The following NREP variants were observed in gnomAD, a reference collection of about 807,000 sequenced individuals.
The protein encoded by NREP is neuronal regeneration-related protein.
A neutral mutation model predicts 8.6 loss-of-function variants in NREP; 5 were observed. That is an observed-to-expected ratio of 0.58 (90% CI 0.30 to 1.22). The LOEUF is 1.22. NREP is among the 50% of genes most tolerant of loss of function. The pLI is 0.07. For synonymous variants in NREP, 27 were observed against 28.0 expected (o/e 0.96, Z 0.11); for missense variants, 86 against 82.5 (o/e 1.04, Z -0.17).
intron 2 of NREP, among the ~76,000 whole-genome samples, chr5:111,931,128 G>A (rs1755525490): frequency 6.6e-6 from 1 of 151,954 alleles, no homozygotes; most frequent in Admixed American, 6.6e-5. Context: ...TGTGCCCTTA[G>A]TATTTAAACC....
intron 2 of NREP, among the ~76,000 whole-genome samples, chr5:111,737,080 T>C (rs890270860): frequency 1.3e-5 from 2 of 152,228 alleles, no homozygotes; most frequent in East Asian, 3.8e-4. Flanking sequence ...TTCTGAGCCA[T>C]GTGGTTCCCC....
At chr5:111,835,720 T>C (rs1752876895) in intron 2 of NREP, among the ~76,000 whole-genome samples, 1 of 152,192 alleles carries the variant, frequency 6.6e-6, no homozygotes, top group African/African-American at 2.4e-5. Context: ...AAGTGGTTTG[T>C]GGGTTTAAGA....
intron 2 of NREP, chr5:111,739,029 A>T (rs940071213): frequency 1.3e-5 from 2 of 152,232 alleles, no homozygotes; most frequent in Non-Finnish European, 2.9e-5. Flanking sequence ...CCAGATTGTT[A>T]GAAAATAAAT....
intron 2 of NREP, 117 bp from the exon 3 acceptor site, chr5:111,735,624 C>T (rs1319370350): frequency 1.5e-6 from 1 of 673,878 alleles, no homozygotes; most frequent in African/African-American, 1.8e-5. Flanking sequence ...CCGACTACCA[C>T]TTAGAGCACT....
intron 2 of NREP, among the ~76,000 whole-genome samples, chr5:111,792,299 T>G (rs1304181017): frequency 6.6e-6 from 1 of 152,190 alleles, no homozygotes; most frequent in Non-Finnish European, 1.5e-5. Context: ...TTCAAATTTG[T>G]GTTGTCTTAT....
intron 2 of NREP, among the ~76,000 whole-genome samples, chr5:111,835,467 AG>A (rs1291372902): frequency 6.6e-6 from 1 of 152,126 alleles, no homozygotes; most frequent in Non-Finnish European, 1.5e-5. Flanking sequence ...TTATAAAGGT[AG>A]GGGCATGAAC....
intron 2 of NREP, among the ~76,000 whole-genome samples, chr5:111,762,726 C>A (rs1750989199): frequency 6.6e-6 from 1 of 152,124 alleles, no homozygotes; most frequent in African/African-American, 2.4e-5. Context: ...TTCTAGTCTC[C>A]AGAACTGTAA....
At chr5:111,787,014 T>C (rs937940295) in intron 2 of NREP, among the ~76,000 whole-genome samples, 3 of 152,218 alleles carry the variant, frequency 2.0e-5, no homozygotes, top group Non-Finnish European at 2.9e-5. Context: ...TCTTACACTG[T>C]TGATGGTCTT....
At chr5:111,784,811 A>C (rs925456539) in intron 2 of NREP, among the ~76,000 whole-genome samples, 10 of 152,198 alleles carry the variant, frequency 6.6e-5, no homozygotes, top group Admixed American at 5.9e-4. Flanking sequence ...ACAGCATTTA[A>C]TTAAAAAGTT....
chr5:111,750,763 T>C (rs553169809), intron 2 of NREP, among the ~76,000 whole-genome samples: 5 of 152,310 alleles, frequency 3.3e-5, no homozygotes, highest in Admixed American at 3.3e-4. Flanking sequence ...GGGTCCAGGC[T>C]GCAGGAAAAG....
rs201975845 is a variant in NREP, at chr5:111,971,423, T to C, written c.135+3851A>G. 2.6e-5 allele frequency among the ~76,000 whole-genome samples: 4 copies of C among 151,516 alleles called. No homozygotes were observed. In the East Asian group the frequency reaches 7.8e-4, roughly 29 times the overall value. On this transcript the variant is annotated intron_variant, in intron 2 of 3. Coordinates refer to the NREP transcript ENST00000395634. The stretch of plus-strand genomic sequence containing the variant: ...AGCAAAAAACAAAAAACTAAACAAA[T>C]AAAAAAAACACCATGAAGCTGGAGG...
chr5:111,975,504 T>C, intron 1 of NREP: 2 of 666,892 alleles, frequency 3.0e-6, no homozygotes, highest in Non-Finnish European at 5.3e-6. Flanking sequence ...AGAAGGACAC[T>C]GACTGGCCAG....
At chr5:111,824,842 T>C (rs1752586290) in intron 2 of NREP, among the ~76,000 whole-genome samples, 1 of 152,214 alleles carries the variant, frequency 6.6e-6, no homozygotes, top group South Asian at 2.1e-4. Context: ...CATAGGTGTA[T>C]AGTGTATACA....
intron 2 of NREP, among the ~76,000 whole-genome samples, chr5:111,939,645 T>TA (rs1423834835): frequency 1.3e-5 from 2 of 152,100 alleles, no homozygotes; most frequent in Non-Finnish European, 2.9e-5. Flanking sequence ...TTTCAGCTCT[T>TA]ACCGTAAACA....
intron 2 of NREP, among the ~76,000 whole-genome samples, chr5:111,829,327 A>G (rs1752706711): frequency 6.6e-6 from 1 of 152,210 alleles, no homozygotes; most frequent in Admixed American, 6.5e-5. Context: ...TCTGGCAGCC[A>G]CATGGAGGAA....
chr5:111,904,485 T>A lies in NREP; in HGVS notation c.135+70789A>T, dbSNP rs1420185789. On this transcript the variant is annotated intron_variant, in intron 2 of 3. Transcript: ENST00000395634. ...CTCTACAGTTTTGCCTTTTCCAGAA[T>A]GTCATATCATTGGAATTATATAGTA... Among the ~76,000 whole-genome samples the A allele has an allele frequency of 1.1e-4, 16 of 152,176 alleles. 1 individual carries two copies. The highest frequency in any genetic ancestry group is 2.4e-4 in the Non-Finnish European group (16 of 68,022).
At chr5:111,795,814 T>C (rs531209836) in intron 2 of NREP, among the ~76,000 whole-genome samples, 1 of 152,156 alleles carries the variant, frequency 6.6e-6, no homozygotes, top group Non-Finnish European at 1.5e-5. Context: ...GAAAGCAGAA[T>C]AGAAAGCAGA....
intron 2 of NREP, among the ~76,000 whole-genome samples, chr5:111,802,295 T>A (rs1015243660): frequency 6.6e-6 from 1 of 151,542 alleles, no homozygotes; most frequent in Admixed American, 6.6e-5. Context: ...AGGTGTCAAA[T>A]ACACTGTTAA....
intron 2 of NREP, among the ~76,000 whole-genome samples, chr5:111,912,981 T>C (rs1244282422): frequency 6.6e-6 from 1 of 152,134 alleles, no homozygotes; most frequent in Non-Finnish European, 1.5e-5. Context: ...TGACCAGTAA[T>C]TGATTTTGAG....
Sources: gnomAD v4.1 joint callset for allele counts (sites outside exome capture counted in the v4.1 genomes callset) on GRCh38, gnomAD v4.1.1 for gene constraint, MANE v1.5 for transcripts, NCBI Gene and HGNC (gene_info 2026-07-23, HGNC 2026-07-21) for gene names.